Variants in ARID1B observed in about 807,000 individuals in gnomAD.
The protein encoded by ARID1B is AT-rich interactive domain-containing protein 1B.
In ARID1B, 30 loss-of-function variants were observed where a neutral mutation model predicts 212.3. That is an observed-to-expected ratio of 0.14 (90% CI 0.11 to 0.19). ARID1B has a LOEUF of 0.19. Among genes scored for constraint, ARID1B ranks in the 10% least tolerant of loss-of-function variants. The pLI is 1.00. For synonymous variants in ARID1B, 1,402 were observed against 1,301.7 expected (o/e 1.08, Z -1.66); for missense variants, 2,891 against 3,204.0 (o/e 0.90, Z 2.36).
chr6:156,911,910 C>T (rs1367262740), intron 3 of ARID1B, among the ~76,000 whole-genome samples: 2 of 152,136 alleles, frequency 1.3e-5, no homozygotes, highest in Non-Finnish European at 2.9e-5. Context: ...TAGAAGACCA[C>T]TTTAAATAAC....
chr6:157,088,539 C>G (rs757748280), intron 5 of ARID1B, among the ~76,000 whole-genome samples: 8 of 152,184 alleles, frequency 5.3e-5, no homozygotes, highest in Non-Finnish European at 1.0e-4. Flanking sequence ...AGATTCATAT[C>G]CTTATTCTCT....
chr6:157,152,662 GT>G (rs1790289402), intron 8 of ARID1B, among the ~76,000 whole-genome samples: 1 of 152,180 alleles, frequency 6.6e-6, no homozygotes, highest in South Asian at 2.1e-4. Context: ...TGTATGACAT[GT>G]TTTAGTGCTC....
chr6:156,884,328 T>C (rs958311826), intron 2 of ARID1B, among the ~76,000 whole-genome samples: 43 of 152,180 alleles, frequency 2.8e-4, no homozygotes, highest in Non-Finnish European at 7.3e-5. Context: ...AAGAATTTTT[T>C]TTTTTTTTGT....
rs771280525 is a variant in ARID1B at position 157,133,175 on chromosome 6, A to T, written c.2729A>T (p.Tyr910Phe). The T allele has an allele frequency of 6.2e-7, 1 of 1,613,672 alleles. No homozygotes were observed. The highest frequency in any genetic ancestry group is 1.1e-5 in the South Asian group (1 of 90,938). Residue 910 changes from tyrosine (Y) to phenylalanine (F), a missense_variant, in exon 7 of 20, where the codon TAC becomes TTC. By Grantham distance (22) the Tyr-to-Phe change is conservative (BLOSUM62 3). This residue lies in a region of ARID1B where 1,643 missense variants were observed against 1,544.0 expected (regional missense o/e 1.06). Coordinates refer to ENST00000636930, the MANE Select transcript of ARID1B (RefSeq NM_001374828.1). ...CAGCAGAGTAACTCAAGTGGGACTT[A>T]CGGTCCACAGATGAGCCAGTATGGA... ...SFQQSNSSGT[Y>F]GPQMSQYGPQ... is the part of the protein sequence containing the mutation.
chr6:156,798,512 C>A lies in ARID1B; in HGVS notation c.1791+19041C>A, dbSNP rs139683268. Among the ~76,000 whole-genome samples the A allele has an allele frequency of 4.4e-3, 664 of 152,366 alleles. 6 individuals carry two copies. Among genetic ancestry groups the A allele is most frequent in the African/African-American group, 0.015 (643 of 41,592 alleles). ...ATGGTACCAGGAGTCAGCCCTGAGG[C>A]AGATGAACTCCAAAGCCTGTGCTGC... On this transcript the variant is annotated intron_variant, in intron 1 of 19. Transcript: ENST00000636930.
chr6:156,778,553 G>T lies in ARID1B; in HGVS notation c.873G>T (p.Leu291=), dbSNP rs2114978402. Residue 291 remains leucine (L), a synonymous_variant, in exon 1 of 20, where the codon CTG becomes CTT. Coordinates refer to ENST00000636930, the MANE Select transcript of ARID1B (RefSeq NM_001374828.1). ...GRYEHPGLGA[L]GTQQPPVAVP... is the part of the protein sequence containing the mutation. ...ACGAGCACCCGGGCTTGGGCGCCCT[G>T]GGCACGCAGCAGCCGCCGGTCGCCG... 1 of 1,234,492 alleles carries T rather than the reference G, an allele frequency of 8.1e-7. No homozygotes were observed. The highest frequency in any genetic ancestry group is 1.0e-6 in the Non-Finnish European group (1 of 991,860). The allele number at this position is 1,234,492 out of a possible 1,614,324, so 76.5% of individuals were successfully genotyped here. A position where few individuals can be genotyped will look rare whatever the true frequency, so the allele number is the denominator to read the frequency against.
chr6:156,963,795 A>T (rs1794560099), intron 4 of ARID1B, among the ~76,000 whole-genome samples: 1 of 152,222 alleles, frequency 6.6e-6, no homozygotes, highest in African/African-American at 2.4e-5. Flanking sequence ...AAATTGTGTA[A>T]TATTTATCTT....
chr6:156,856,802 T>TCGCCTTTGCTTAATGGTAAAATGCA (rs1554260026), intron 2 of ARID1B, among the ~76,000 whole-genome samples: 2 of 150,732 alleles, frequency 1.3e-5, no homozygotes, highest in Non-Finnish European at 2.9e-5. Context: ...GAAAAACCCA[T>TCGCCTTTGCTTAATGGTAAAATGCA]TCAGTCATAT....
intron 1 of ARID1B, among the ~76,000 whole-genome samples, chr6:156,793,227 G>A (rs1448987451): frequency 6.6e-6 from 1 of 152,188 alleles, no homozygotes; most frequent in Admixed American, 6.5e-5. Context: ...TTAAGGTCAG[G>A]ATGGCCAAGT....
At chr6:156,900,669 T>C (rs770640811) in intron 2 of ARID1B, among the ~76,000 whole-genome samples, 7 of 152,248 alleles carry the variant, frequency 4.6e-5, no homozygotes, top group African/African-American at 1.7e-4. Flanking sequence ...GGTATATTTA[T>C]TGCATGAGGA....
intron 3 of ARID1B, among the ~76,000 whole-genome samples, chr6:156,924,787 T>C (rs908002713): frequency 6.6e-6 from 1 of 152,160 alleles, no homozygotes; most frequent in African/African-American, 2.4e-5. Flanking sequence ...TTGTATAGAT[T>C]TTTAAAAATT....
chr6:156,999,886 C>T (rs1356108292), intron 4 of ARID1B, among the ~76,000 whole-genome samples: 1 of 152,194 alleles, frequency 6.6e-6, no homozygotes, highest in African/African-American at 2.4e-5. Context: ...AGTTGCTGCT[C>T]TCAGGGAGCT....
intron 8 of ARID1B, among the ~76,000 whole-genome samples, chr6:157,158,244 G>A (rs1229644320): frequency 6.6e-6 from 1 of 152,156 alleles, no homozygotes; most frequent in Non-Finnish European, 1.5e-5. Flanking sequence ...AACCCTAACT[G>A]AACAATGTTT....
At chr6:156,897,218 G>T (rs12198020) in intron 2 of ARID1B, among the ~76,000 whole-genome samples, 11,201 of 91,048 alleles carry the variant, frequency 0.12, 1,094 homozygotes, top group African/African-American at 0.22. Flanking sequence ...TGCTGCTGCT[G>T]CTTCTTCTTC....
intron 6 of ARID1B, among the ~76,000 whole-genome samples, chr6:157,120,842 C>A (rs1424495332): frequency 6.6e-6 from 1 of 152,154 alleles, no homozygotes; most frequent in Non-Finnish European, 1.5e-5. Context: ...CCTGACAATG[C>A]TGTAGTTCTC....
intron 2 of ARID1B, among the ~76,000 whole-genome samples, chr6:156,843,985 T>C (rs1302877375): frequency 1.3e-5 from 2 of 152,142 alleles, no homozygotes; most frequent in Middle Eastern, 3.4e-3. Context: ...TGTAGGAGTT[T>C]GCTGGGTCTG....
intron 2 of ARID1B, among the ~76,000 whole-genome samples, chr6:156,855,744 TGTGA>T (rs775903338): frequency 1.5e-4 from 23 of 152,164 alleles, no homozygotes; most frequent in East Asian, 3.9e-4. Context: ...TGTGCGTGCA[TGTGA>T]GTATCTTTTT....
intron 4 of ARID1B, among the ~76,000 whole-genome samples, chr6:156,972,626 T>G (rs1210816067): frequency 6.6e-6 from 1 of 152,204 alleles, no homozygotes; most frequent in East Asian, 1.9e-4. Context: ...TATTATTGAT[T>G]AAAATAGGAG....
At chr6:157,014,763 T>A (rs1243352965) in intron 4 of ARID1B, among the ~76,000 whole-genome samples, 1 of 152,094 alleles carries the variant, frequency 6.6e-6, no homozygotes, top group Non-Finnish European at 1.5e-5. Flanking sequence ...TAAATATGAA[T>A]CTTTAGATTG....
Sources: allele counts gnomAD v4.1 joint callset (sites outside exome capture counted in the v4.1 genomes callset), GRCh38; gene constraint gnomAD v4.1.1; regional missense constraint gnomAD v4.1.1; transcripts MANE v1.5; gene names NCBI Gene and HGNC (gene_info 2026-07-23, HGNC 2026-07-21).